Variants in NRP2 observed in about 807,000 individuals in gnomAD.
NRP2 encodes neuropilin 2, also known as neuropilin-2.
NRP2 carries 52 observed loss-of-function variants against 110.4 expected under a neutral mutation model. The observed-to-expected ratio is 0.47, with a 90% CI of 0.38 to 0.59. The LOEUF is 0.59. NRP2 is among the 20% of genes least tolerant of loss of function. The probability of loss-of-function intolerance (pLI) is 0.00; values close to 1 mark genes in which losing one functional copy is unlikely to be tolerated. For missense variants in NRP2, 1,049 were observed against 1,203.0 expected, an observed-to-expected ratio of 0.87 and a Z score of 1.89; for synonymous variants, 508 against 468.9, an observed-to-expected ratio of 1.08 and a Z score of -1.08.
chr2:205,707,517 A>G (rs2056704642), intron 2 of NRP2, among the ~76,000 whole-genome samples: 1 of 151,918 alleles, frequency 6.6e-6, no homozygotes, highest in Non-Finnish European at 1.5e-5. Flanking sequence ...CCTGCCACCT[A>G]CTCCCAAACT....
At chr2:205,747,975 G>T (rs1559345253) in intron 10 of NRP2, among the ~76,000 whole-genome samples, 1 of 152,108 alleles carries the variant, frequency 6.6e-6, no homozygotes, top group Admixed American at 6.5e-5. Flanking sequence ...TCTGACATCT[G>T]GTTTCAATTT....
Position 205,683,079 on chromosome 2 carries a change from T to G in NRP2, c.-212T>G. On this transcript the variant is annotated 5_prime_UTR_variant, in exon 1 of 17. Coordinates refer to ENST00000357785, the MANE Select transcript of NRP2 (RefSeq NM_003872.3). ...TTCTCTTCCCGGCTTGTTCCCTCTT[T>G]GCTGATTTCAGGAGCTACTCTCCTC... 1.7e-6 allele frequency: 1 copy of G among 581,912 alleles called. No homozygotes were observed. Among genetic ancestry groups the G allele is most frequent in the Non-Finnish European group, 3.1e-6 (1 of 327,330 alleles). The allele number at this position is 581,912 out of a possible 1,614,324, so 36.0% of individuals were successfully genotyped here.
Position 205,713,706 on chromosome 2 carries a change from G to A in NRP2, c.252-2487G>A, listed in dbSNP as rs191639177. The stretch of plus-strand genomic sequence containing the variant: ...ACCTGCAGACTATTGATTGTAGCAG[G>A]AGAGTATTCCATTTTATAAATATCC... On this transcript the variant is annotated intron_variant, in intron 2 of 16. Coordinates refer to ENST00000357785, the MANE Select transcript of NRP2 (RefSeq NM_003872.3). Among the ~76,000 whole-genome samples the A allele has an allele frequency of 9.9e-5, 15 of 152,254 alleles. No individual in the cohort carries two copies. In the East Asian group the frequency reaches 1.5e-3, roughly 16 times the overall value.
At chr2:205,769,509 C>T (rs1266503093) in intron 15 of NRP2, among the ~76,000 whole-genome samples, 1 of 135,702 alleles carries the variant, frequency 7.4e-6, no homozygotes, top group African/African-American at 3.5e-5. Context: ...CATACATACA[C>T]ACACACACAC....
intron 15 of NRP2, among the ~76,000 whole-genome samples, chr2:205,791,605 G>A (rs2058302640): frequency 6.6e-6 from 1 of 152,216 alleles, no homozygotes; most frequent in South Asian, 2.1e-4. Context: ...AGTCAGATTG[G>A]ATGCCCATCT....
At chr2:205,706,826 GGCTCTTGAA>G (rs532940454) in intron 2 of NRP2, among the ~76,000 whole-genome samples, 1 of 152,240 alleles carries the variant, frequency 6.6e-6, no homozygotes, top group African/African-American at 2.4e-5. Context: ...ATACACACGT[GGCTCTTGAA>G]GCTCATCCCC....
chr2:205,697,365 G>C (rs1353304039), intron 1 of NRP2, among the ~76,000 whole-genome samples, 179 bp from the exon 2 acceptor site: 1 of 143,584 alleles, frequency 7.0e-6, no homozygotes, highest in Admixed American at 6.8e-5. Context: ...GGTAGGGGGA[G>C]GGATGAGCCG....
At chr2:205,708,848 G>T (rs976910993) in intron 2 of NRP2, among the ~76,000 whole-genome samples, 1 of 152,192 alleles carries the variant, frequency 6.6e-6, no homozygotes, top group Non-Finnish European at 1.5e-5. Flanking sequence ...GGGAAGAAAT[G>T]AAGGAAGAAA....
At position 205,726,076 on chromosome 2, in the gene NRP2, T is replaced by C. The variant is rs1476515784; in HGVS notation, c.984T>C (p.Tyr328=). The C allele has an allele frequency of 1.3e-5, 21 of 1,614,050 alleles. No individual in the cohort carries two copies. Among genetic ancestry groups the C allele is most frequent in the Non-Finnish European group, 1.8e-5 (21 of 1,180,032 alleles). The change falls in exon 6 of 17, where the codon TAT becomes TAC. Residue 328 remains tyrosine, a synonymous_variant. Transcript: ENST00000357785. ...WTPNLDSNKE[Y]LQVDLRFLTM... ...CCAACTTGGATTCCAACAAGGAGTA[T>C]CTCCAGGTACTTGTGCAGATACCAG...
rs1192714464 is a variant in NRP2, at chr2:205,697,683, C to T, written c.213C>T (p.Asn71=). The change falls in exon 2 of 17, where the codon AAC becomes AAT. Residue 71 remains asparagine (N), a synonymous_variant. Transcript: ENST00000357785. ...APEPNQKIVL[N]FNPHFEIEKH... ...AACCCAACCAGAAGATTGTCCTCAACTTCAACCCTCACTTTGAAATCGAGA... is the reference window on the plus strand; with the variant it reads ...AACCCAACCAGAAGATTGTCCTCAATTTCAACCCTCACTTTGAAATCGAGA... 1 of 1,614,068 alleles carries T rather than the reference C, an allele frequency of 6.2e-7. No homozygotes were observed. Among genetic ancestry groups the T allele is most frequent in the Admixed American group, 1.7e-5 (1 of 60,010 alleles).
chr2:205,697,518 C>G, intron 1 of NRP2, 26 bp from the exon 2 acceptor site: 1 of 1,606,492 alleles, frequency 6.2e-7, no homozygotes, highest in Non-Finnish European at 8.5e-7. Flanking sequence ...ATTTGAAGTT[C>G]TTTGGGTCGT....
At chr2:205,716,589 G>A (rs1237322780) in intron 3 of NRP2, among the ~76,000 whole-genome samples, 1 of 145,256 alleles carries the variant, frequency 6.9e-6, no homozygotes, top group South Asian at 2.2e-4. Flanking sequence ...GGGGGGTGGG[G>A]GTGGGGTCAA....
At chr2:205,765,001 C>T (rs1285950799) in intron 13 of NRP2, among the ~76,000 whole-genome samples, 1 of 152,062 alleles carries the variant, frequency 6.6e-6, no homozygotes, top group Non-Finnish European at 1.5e-5. Context: ...ATAATGAAGC[C>T]CTAAGGCAAC....
At position 205,727,617 on chromosome 2, in the gene NRP2, A is replaced by G. The variant is rs113314051; in HGVS notation, c.991-274A>G. On this transcript the variant is annotated intron_variant, in intron 6 of 16. Coordinates refer to ENST00000357785, the MANE Select transcript of NRP2 (RefSeq NM_003872.3). ...GAAGGGATTATAGCTCTAGATGTTCAATGATTGAGAAAAATCGAGTATTGT... is the reference window on the plus strand; with the variant it reads ...GAAGGGATTATAGCTCTAGATGTTCGATGATTGAGAAAAATCGAGTATTGT... 5.9e-5 allele frequency among the ~76,000 whole-genome samples: 9 copies of G among 152,350 alleles called. 3 individuals carry two copies. Among genetic ancestry groups the G allele is most frequent in the African/African-American group, 1.9e-4 (8 of 41,586 alleles).
intron 15 of NRP2, among the ~76,000 whole-genome samples, chr2:205,790,124 G>T (rs542229206): frequency 6.6e-6 from 1 of 152,290 alleles, no homozygotes; most frequent in South Asian, 2.1e-4. Context: ...AGCCACTAAA[G>T]TGTTCTTCTT....
intron 7 of NRP2, among the ~76,000 whole-genome samples, chr2:205,737,155 C>T (rs529920216): frequency 6.6e-6 from 1 of 152,344 alleles, no homozygotes; most frequent in Non-Finnish European, 1.5e-5. Flanking sequence ...TGAACCAACA[C>T]ATCAACAAGG....
intron 12 of NRP2, among the ~76,000 whole-genome samples, chr2:205,758,933 A>G (rs1490441943): frequency 1.3e-5 from 2 of 151,758 alleles, no homozygotes; most frequent in Non-Finnish European, 2.9e-5. Context: ...CCCCCACCAT[A>G]CCAGCTCTTT....
chr2:205,748,992 A>G (rs1244455503), intron 10 of NRP2, among the ~76,000 whole-genome samples: 2 of 152,198 alleles, frequency 1.3e-5, no homozygotes, highest in African/African-American at 2.4e-5. Flanking sequence ...AACATTTTTA[A>G]TAAGTTGCCA....
At chr2:205,785,653 A>T (rs1482285265) in intron 15 of NRP2, among the ~76,000 whole-genome samples, 1 of 152,220 alleles carries the variant, frequency 6.6e-6, no homozygotes, top group East Asian at 1.9e-4. Context: ...CTTTATAGCC[A>T]AACATGTCTC....
Sources: gnomAD v4.1 joint callset for allele counts (sites outside exome capture counted in the v4.1 genomes callset) on GRCh38, gnomAD v4.1.1 for gene constraint, MANE v1.5 for transcripts, NCBI Gene and HGNC (gene_info 2026-07-23, HGNC 2026-07-21) for gene names.